The following HS3ST5 variants were observed in gnomAD, a reference collection of about 807,000 sequenced individuals.
HS3ST5 encodes heparan sulfate-glucosamine 3-sulfotransferase 5.
HS3ST5 carries 10 observed loss-of-function variants against 25.4 expected under a neutral mutation model. The observed-to-expected ratio is 0.39, with a 90% CI of 0.24 to 0.67. HS3ST5 has a LOEUF of 0.67. HS3ST5 is among the 30% of genes least tolerant of loss of function. The pLI is 0.44. For missense variants in HS3ST5, 324 were observed against 420.7 expected, an observed-to-expected ratio of 0.77 and a Z score of 2.01; for synonymous variants, 170 against 162.4, an observed-to-expected ratio of 1.05 and a Z score of -0.36.
chr6:114,230,324 G>A lies in HS3ST5; in HGVS notation c.-338-1546C>T, dbSNP rs117502919. 3.3e-5 allele frequency: 5 copies of A among 152,176 alleles called. No individual in the cohort carries two copies. In the East Asian group the frequency reaches 7.7e-4, roughly 24 times the overall value. The allele number at this position is 152,176 out of a possible 1,614,324, so 9.4% of individuals were successfully genotyped here. ...ATCTTTGCCTCGGTGACAAAGCTAT[G>A]TATGACATTACTCAAAATCTCAGTA... On this transcript the variant is annotated intron_variant, in intron 1 of 4. Transcript: ENST00000312719.
At chr6:114,131,883 A>G (rs1407485304) in intron 3 of HS3ST5, among the ~76,000 whole-genome samples, 1 of 152,182 alleles carries the variant, frequency 6.6e-6, no homozygotes, top group Non-Finnish European at 1.5e-5. Flanking sequence ...GTGCCCTTTC[A>G]CTGGTGCCAA....
chr6:114,095,929 T>C (rs925468679), intron 3 of HS3ST5, among the ~76,000 whole-genome samples: 2 of 152,154 alleles, frequency 1.3e-5, no homozygotes, highest in Non-Finnish European at 2.9e-5. Context: ...TCAATGATAC[T>C]AATCATTTAC....
At chr6:114,207,990 T>G (rs1311284510) in intron 2 of HS3ST5, among the ~76,000 whole-genome samples, 1 of 152,204 alleles carries the variant, frequency 6.6e-6, no homozygotes, top group East Asian at 1.9e-4. Flanking sequence ...TACTACAGTA[T>G]AGTTACTCTA....
At chr6:114,153,266 G>A (rs931788291) in intron 3 of HS3ST5, among the ~76,000 whole-genome samples, 1 of 152,144 alleles carries the variant, frequency 6.6e-6, no homozygotes, top group African/African-American at 2.4e-5. Context: ...GGGAGTGCCA[G>A]GTCCTAAACC....
chr6:114,212,507 C>A (rs1437039220), intron 2 of HS3ST5, among the ~76,000 whole-genome samples: 1 of 152,158 alleles, frequency 6.6e-6, no homozygotes, highest in Admixed American at 6.5e-5. Flanking sequence ...TTGCAGTTTA[C>A]TATTCCCTAC....
intron 3 of HS3ST5, among the ~76,000 whole-genome samples, chr6:114,155,193 A>G (rs768620446): frequency 1.3e-5 from 2 of 152,200 alleles, no homozygotes; most frequent in Non-Finnish European, 2.9e-5. Flanking sequence ...GTATTTTATT[A>G]TGATACAAAT....
At chr6:114,193,712 G>A (rs578261722) in intron 2 of HS3ST5, among the ~76,000 whole-genome samples, 100 of 152,266 alleles carry the variant, frequency 6.6e-4, no homozygotes, top group African/African-American at 2.4e-3. Context: ...TTAACTATCA[G>A]TATTATTATC....
intron 2 of HS3ST5, among the ~76,000 whole-genome samples, chr6:114,216,728 T>TAA (rs760077446): frequency 0.39 from 34,479 of 89,436 alleles, 6,890 homozygotes; most frequent in South Asian, 0.57. Context: ...TCGTCCTCCT[T>TAA]AAAAAAAAAA....
At chr6:114,179,885 C>T (rs565654833) in intron 2 of HS3ST5, among the ~76,000 whole-genome samples, 18 of 152,244 alleles carry the variant, frequency 1.2e-4, no homozygotes, top group Admixed American at 4.6e-4. Context: ...TAGCATACCA[C>T]TGGTGTAAGT....
chr6:114,237,732 A>G (rs771118532), intron 1 of HS3ST5, among the ~76,000 whole-genome samples: 75 of 152,238 alleles, frequency 4.9e-4, no homozygotes, highest in Admixed American at 8.5e-4. Flanking sequence ...ACACACAGAA[A>G]CAGGCAAAGT....
chr6:114,210,496 C>T (rs896823606), intron 2 of HS3ST5, among the ~76,000 whole-genome samples: 2 of 152,166 alleles, frequency 1.3e-5, no homozygotes, highest in African/African-American at 4.8e-5. Flanking sequence ...TTAACAGGGG[C>T]TGCATTAAAT....
chr6:114,140,514 C>T (rs1165696734), intron 3 of HS3ST5, among the ~76,000 whole-genome samples: 1 of 152,126 alleles, frequency 6.6e-6, no homozygotes. Flanking sequence ...CTCTAAGGTC[C>T]ACCCCTTCCT....
chr6:114,069,994 T>C (rs781309174), intron 3 of HS3ST5, among the ~76,000 whole-genome samples: 1 of 152,162 alleles, frequency 6.6e-6, no homozygotes, highest in Non-Finnish European at 1.5e-5. Context: ...TATCTTGTTA[T>C]ATGGATAAAT....
intron 3 of HS3ST5, among the ~76,000 whole-genome samples, chr6:114,101,195 TATTC>T (rs1775710833): frequency 6.6e-6 from 1 of 152,218 alleles, no homozygotes; most frequent in Non-Finnish European, 1.5e-5. Flanking sequence ...ATTCTTACAT[TATTC>T]AAAAGCCACA....
chr6:114,071,102 A>G (rs1381889581), intron 3 of HS3ST5, among the ~76,000 whole-genome samples: 1 of 152,230 alleles, frequency 6.6e-6, no homozygotes, highest in East Asian at 1.9e-4. Flanking sequence ...GCAAACTGCA[A>G]TACACAGAAC....
intron 1 of HS3ST5, among the ~76,000 whole-genome samples, chr6:114,303,980 C>T (rs530090390): frequency 2.6e-5 from 4 of 152,194 alleles, no homozygotes; most frequent in African/African-American, 9.6e-5. Context: ...TGGTGTGATT[C>T]CATGTGGACC....
intron 1 of HS3ST5, among the ~76,000 whole-genome samples, chr6:114,315,476 G>C (rs1775710663): frequency 1.3e-5 from 2 of 152,192 alleles, no homozygotes; most frequent in South Asian, 4.2e-4. Flanking sequence ...CAATCATAGA[G>C]CTTAATGATC....
intron 3 of HS3ST5, among the ~76,000 whole-genome samples, chr6:114,150,657 T>G (rs1012539858): frequency 6.6e-6 from 1 of 152,142 alleles, no homozygotes. Context: ...GAAAGGAGGA[T>G]TTGCATTCTA....
chr6:114,337,816 A>G (rs993335605), intron 1 of HS3ST5, among the ~76,000 whole-genome samples: 6 of 152,150 alleles, frequency 3.9e-5, no homozygotes, highest in Admixed American at 2.6e-4. Flanking sequence ...AGAGTAGACT[A>G]CCTGGACTCA....
Sources: gnomAD v4.1 joint callset for allele counts (sites outside exome capture counted in the v4.1 genomes callset) on GRCh38, gnomAD v4.1.1 for gene constraint, MANE v1.5 for transcripts, NCBI Gene and HGNC (gene_info 2026-07-23, HGNC 2026-07-21) for gene names.